Variants in LSG1 observed in about 807,000 individuals in gnomAD.
LSG1 encodes large 60S subunit nuclear export GTPase 1.
Under a neutral mutation model 82.6 loss-of-function variants are expected in LSG1, and 55 were observed. That is an observed-to-expected ratio of 0.67 (90% confidence interval 0.54 to 0.83). The LOEUF (loss-of-function observed/expected upper bound fraction) is 0.83, where lower values mean the gene tolerates loss of function less well. LSG1 is among the 40% of genes least tolerant of loss of function. LSG1 has a pLI of 0.00. For synonymous variants in LSG1, 272 were observed against 282.5 expected (o/e 0.96, Z 0.37); for missense variants, 809 against 807.9 (o/e 1.00, Z -0.02).
intron 11 of LSG1, 115 bp downstream of exon 11, chr3:194,648,566 T>C: frequency 8.5e-7 from 1 of 1,180,278 alleles, no homozygotes. Flanking sequence ...GCTGAAGAAA[T>C]ATTATAAATG....
At chr3:194,650,602 C>G (rs1414939205) in intron 10 of LSG1, 1 of 292,282 alleles carries the variant, frequency 3.4e-6, no homozygotes, top group Non-Finnish European at 6.4e-6. Context: ...GCAAGTTTTC[C>G]AAGGTCATTC....
intron 5 of LSG1, 104 bp downstream of exon 5, chr3:194,665,453 T>G: frequency 1.4e-6 from 1 of 701,452 alleles, no homozygotes; most frequent in Non-Finnish European, 2.4e-6. Context: ...ACCCTCTGCA[T>G]AGCTTAATTC....
intron 7 of LSG1, among the ~76,000 whole-genome samples, chr3:194,658,062 G>A (rs1472099017): frequency 6.6e-6 from 1 of 152,074 alleles, no homozygotes; most frequent in Non-Finnish European, 1.5e-5. Flanking sequence ...AAACAGAGAC[G>A]GGAGAAAAGG....
At chr3:194,666,329 T>C in intron 3 of LSG1, 40 bp from the exon 4 acceptor site, 1 of 1,605,464 alleles carries the variant, frequency 6.2e-7, no homozygotes, top group Non-Finnish European at 8.5e-7. Flanking sequence ...CTCATATAAG[T>C]AACCAAAATA....
chr3:194,655,104 T>G (rs569813378), intron 7 of LSG1, among the ~76,000 whole-genome samples: 1 of 152,178 alleles, frequency 6.6e-6, no homozygotes, highest in African/African-American at 2.4e-5. Context: ...TCCAGAAAAC[T>G]TGGGAGAAGC....
At chr3:194,660,019 G>T in intron 6 of LSG1, 54 bp downstream of exon 6, 1 of 1,438,560 alleles carries the variant, frequency 7.0e-7, no homozygotes, top group Non-Finnish European at 9.8e-7. Flanking sequence ...GGGATGCGGT[G>T]CTGGCACTGC....
At chr3:194,667,945 ATATATAT>A (rs1560229906) in intron 2 of LSG1, among the ~76,000 whole-genome samples, 33 of 73,144 alleles carry the variant, frequency 4.5e-4, no homozygotes, top group African/African-American at 1.8e-3. Flanking sequence ...AAAAAAAAAT[ATATATAT>A]ATATATATAT....
intron 5 of LSG1, 76 bp from the exon 6 acceptor site, chr3:194,660,209 G>GT: frequency 2.6e-6 from 3 of 1,149,726 alleles, no homozygotes; most frequent in Non-Finnish European, 4.0e-6. Flanking sequence ...AATGGCCAGA[G>GT]TAGCAAACCC....
chr3:194,641,825 C>A lies in LSG1; in HGVS notation c.*243G>T. 2.6e-6 allele frequency: 1 copy of A among 377,878 alleles called. No individual in the cohort carries two copies. The highest frequency in any genetic ancestry group is 4.7e-6 in the Non-Finnish European group (1 of 210,908). 23.4% of individuals were successfully genotyped at this position (377,878 alleles called of 1,614,324 possible). A position where few individuals can be genotyped will look rare whatever the true frequency, so the allele number is the denominator to read the frequency against. ...GAGACGGGGTTTCTCCATGTTGGTG[C>A]GTGAGCCACTGTGCCCGGCCAGGAG... On this transcript the variant is annotated 3_prime_UTR_variant, in exon 14 of 14. Coordinates refer to ENST00000265245, the MANE Select transcript of LSG1 (RefSeq NM_018385.3).
chr3:194,666,190 C>A lies in LSG1; in HGVS notation c.434+13G>T. 1 of 1,607,780 alleles carries A rather than the reference C, an allele frequency of 6.2e-7. No individual in the cohort carries two copies. Among genetic ancestry groups the A allele is most frequent in the South Asian group, 1.1e-5 (1 of 90,938 alleles). ...ATTTCAAAGTAAGTCTTCATAGAGT[C>A]TATAATACTCACCGGACAAGCTGAC... On this transcript the variant is annotated intron_variant, in intron 4 of 13. Coordinates refer to ENST00000265245, the MANE Select transcript of LSG1 (RefSeq NM_018385.3).
intron 8 of LSG1, 93 bp from the exon 9 acceptor site, chr3:194,651,309 G>T: frequency 1.2e-6 from 1 of 823,284 alleles, no homozygotes; most frequent in African/African-American, 1.7e-5. Flanking sequence ...ACTAGCATAA[G>T]CATCTGGTTA....
chr3:194,662,923 G>A (rs1718963106), intron 5 of LSG1, among the ~76,000 whole-genome samples: 1 of 152,188 alleles, frequency 6.6e-6, no homozygotes, highest in African/African-American at 2.4e-5. Flanking sequence ...TAAACAGGCA[G>A]GCTTGTCAAC....
chr3:194,649,222 A>G (rs1718621155), intron 10 of LSG1, among the ~76,000 whole-genome samples: 1 of 152,108 alleles, frequency 6.6e-6, no homozygotes, highest in Admixed American at 6.6e-5. Flanking sequence ...TAAGCCACTA[A>G]CAATATTCTA....
In LSG1 at chr3:194,653,111, T is replaced by G; in HGVS notation, c.791A>C (p.Asn264Thr). 1 of 1,614,162 alleles carries G rather than the reference T, an allele frequency of 6.2e-7. No individual in the cohort carries two copies. Among genetic ancestry groups the G allele is most frequent in the East Asian group, 2.2e-5 (1 of 44,884 alleles). The change falls in exon 8 of 14, where the codon AAC (asparagine) becomes ACC (threonine). Residue 264 changes from asparagine to threonine, a missense_variant. Transcript: ENST00000265245. ...EEANRDDRQS[N>T]TTKFGHSSFD... ...ACTGGAATGTCCAAACTTGGTTGTG[T>G]TGCTTTGTCTATCATCTCTGTTTGC...
rs1170566137 is a variant in LSG1, at chr3:194,667,923, C to CAAAAAAAAAAAAAAAAAAAAAA, written c.227-1352_227-1351insTTTTTTTTTTTTTTTTTTTTTT. Among the ~76,000 whole-genome samples the CAAAAAAAAAAAAAAAAAAAAAA allele has an allele frequency of 1.6e-4, 2 of 12,842 alleles. 1 individual carries two copies. The highest frequency in any genetic ancestry group is 2.5e-4 in the Non-Finnish European group (2 of 7,930). 8.4% of individuals were successfully genotyped at this position (12,842 alleles called of 152,430 possible). On this transcript the variant is annotated intron_variant, in intron 2 of 13. Coordinates refer to ENST00000265245, the MANE Select transcript of LSG1 (RefSeq NM_018385.3). ...GGGCGACAAGAGAGAGACTCCGTCT[C>CAAAAAAAAAAAAAAAAAAAAAA]AAAAAAAAAAAAAAAAAAAATATAT...
At chr3:194,650,358 TTAGA>T (rs1432353998) in intron 10 of LSG1, among the ~76,000 whole-genome samples, 1 of 152,224 alleles carries the variant, frequency 6.6e-6, no homozygotes, top group Admixed American at 6.5e-5. Context: ...CTATAAGAGC[TTAGA>T]TAAATTATTT....
rs553645146 is a variant in LSG1, at chr3:194,653,090, G to T, written c.812C>A (p.Ser271Tyr). The part of the protein sequence containing the change: ...RQSNTTKFGH[S>Y]SFDQAEISHS... ...GGAAATTTCAGCCTGGTCGAAACTGGAATGTCCAAACTTGGTTGTGTTGCT... is the reference window on the plus strand; with the variant it reads ...GGAAATTTCAGCCTGGTCGAAACTGTAATGTCCAAACTTGGTTGTGTTGCT... Residue 271 changes from serine (S) to tyrosine (Y), a missense_variant, in exon 8 of 14, where the codon TCC becomes TAC. By Grantham distance (144) the Ser-to-Tyr change is moderately radical. Transcript: ENST00000265245. 8.1e-6 allele frequency: 13 copies of T among 1,614,054 alleles called. No homozygotes were observed. The highest frequency in any genetic ancestry group is 1.1e-5 in the Non-Finnish European group (13 of 1,180,034).
rs558213543 is a variant in LSG1 at position 194,648,835 on chromosome 3, C to T, written c.1420-31G>A. 6.8e-6 allele frequency: 11 copies of T among 1,612,514 alleles called. No individual in the cohort carries two copies. The East Asian group carries it at 1.8e-4, about 26-fold the overall frequency. ...TTGTCAGGGAATCCATTCTCTTGAA[C>T]GGACTCCCTCCTCCCCATGGCATAC... On this transcript the variant is annotated intron_variant, in intron 10 of 13. Transcript: ENST00000265245.
intron 7 of LSG1, among the ~76,000 whole-genome samples, chr3:194,658,156 TATTA>T (rs1295799708): frequency 6.6e-6 from 1 of 152,186 alleles, no homozygotes; most frequent in Non-Finnish European, 1.5e-5. Context: ...TTGTTATTAT[TATTA>T]TTTTGAGACA....
Sources: gnomAD v4.1 joint callset for allele counts (sites outside exome capture counted in the v4.1 genomes callset) on GRCh38, gnomAD v4.1.1 for gene constraint, MANE v1.5 for transcripts, NCBI Gene and HGNC (gene_info 2026-07-23, HGNC 2026-07-21) for gene names.